Variants in CCSER1 observed in about 807,000 individuals in gnomAD.
CCSER1 encodes coiled-coil serine rich protein 1.
CCSER1 carries 41 observed loss-of-function variants against 82.0 expected under a neutral mutation model. The observed-to-expected ratio is 0.50, with a 90% CI of 0.39 to 0.65. The LOEUF is 0.65. Among genes scored for constraint, CCSER1 ranks in the 30% least tolerant of loss-of-function variants. The pLI, the probability that CCSER1 is intolerant of heterozygous loss-of-function variation, is 0.00. For synonymous variants in CCSER1, 414 were observed against 383.9 expected (o/e 1.08, Z -0.92); for missense variants, 1,119 against 1,064.2 (o/e 1.05, Z -0.72).
chr4:90,157,822 T>G (rs1728567418), intron 1 of CCSER1, among the ~76,000 whole-genome samples: 1 of 152,200 alleles, frequency 6.6e-6, no homozygotes, highest in Non-Finnish European at 1.5e-5. Context: ...GGTTTGAATT[T>G]CCTCCTGTAG....
At chr4:91,147,338 C>G (rs1729638299) in intron 10 of CCSER1, among the ~76,000 whole-genome samples, 1 of 152,184 alleles carries the variant, frequency 6.6e-6, no homozygotes, top group Non-Finnish European at 1.5e-5. Context: ...CAGGAGCCGG[C>G]CCAGCCAGCT....
At chr4:90,436,868 G>A (rs1004635149) in intron 4 of CCSER1, among the ~76,000 whole-genome samples, 4 of 150,878 alleles carry the variant, frequency 2.7e-5, no homozygotes, top group Admixed American at 6.6e-5. Flanking sequence ...GTGCAGTGGC[G>A]CAATCTCAGC....
rs994234499 is a variant in CCSER1, at chr4:91,178,729, C to T, written c.2217+92735C>T. On this transcript the variant is annotated intron_variant, in intron 10 of 10. Transcript: ENST00000509176. ...GCATGTGAGATGGGTCTCCTGTATA[C>T]AGCTCACTGATGGGTCTTGACTCTT... 5.9e-5 allele frequency among the ~76,000 whole-genome samples: 9 copies of T among 152,210 alleles called. No homozygotes were observed. In the East Asian group the frequency reaches 1.7e-3, roughly 29 times the overall value.
rs189554966 is a variant in CCSER1 at position 91,087,311 on chromosome 4, C to G, written c.2217+1317C>G. Among the ~76,000 whole-genome samples the G allele has an allele frequency of 6.8e-3, 1,037 of 152,154 alleles. 8 individuals carry two copies. The highest frequency in any genetic ancestry group is 0.012 in the Non-Finnish European group (812 of 67,938). On this transcript the variant is annotated intron_variant, in intron 10 of 10. Coordinates refer to ENST00000509176, the MANE Select transcript of CCSER1 (RefSeq NM_001145065.2). ...GTGTCAAAAGAAGGAAAACTGAAAT[C>G]TATATATCCGTACGATGGCATTGCT...
At chr4:91,074,365 G>A (rs1191630622) in intron 9 of CCSER1, among the ~76,000 whole-genome samples, 1 of 152,276 alleles carries the variant, frequency 6.6e-6, no homozygotes, top group Non-Finnish European at 1.5e-5. Flanking sequence ...TTTAGATAAT[G>A]CCAATAAGGG....
chr4:90,155,838 A>G (rs1728027982), intron 1 of CCSER1, among the ~76,000 whole-genome samples: 1 of 151,018 alleles, frequency 6.6e-6, no homozygotes, highest in African/African-American at 2.4e-5. Context: ...TGGATTCATT[A>G]ATTTTTTGAA....
In CCSER1 at chr4:91,169,557, A is replaced by G. The variant is rs566981021; in HGVS notation, c.2217+83563A>G. The stretch of plus-strand genomic sequence containing the variant: ...AATTGCTTGAACCCAGGATGCAGAC[A>G]TTGCAGTTAGTTGAGATCACACCAC... On this transcript the variant is annotated intron_variant, in intron 10 of 10. Coordinates refer to ENST00000509176, the MANE Select transcript of CCSER1 (RefSeq NM_001145065.2). Among the ~76,000 whole-genome samples, 208 of 152,222 alleles carry G rather than the reference A, an allele frequency of 1.4e-3. 2 individuals are homozygous for G. The highest frequency in any genetic ancestry group is 4.6e-3 in the African/African-American group (190 of 41,544).
At chr4:90,321,540 T>G (rs1227659813) in intron 3 of CCSER1, among the ~76,000 whole-genome samples, 1 of 152,176 alleles carries the variant, frequency 6.6e-6, no homozygotes, top group African/African-American at 2.4e-5. Context: ...TGCAGATATC[T>G]CTTTGATATA....
intron 8 of CCSER1, among the ~76,000 whole-genome samples, chr4:90,845,646 G>A (rs1763137627): frequency 6.6e-6 from 1 of 151,992 alleles, no homozygotes; most frequent in South Asian, 2.1e-4. Context: ...GGCTGTCCTA[G>A]GCCAGAAGGC....
intron 10 of CCSER1, among the ~76,000 whole-genome samples, chr4:91,357,885 C>A (rs1039639140): frequency 6.8e-5 from 5 of 73,072 alleles, no homozygotes; most frequent in African/African-American, 2.2e-4. Context: ...TGCCCCCCCC[C>A]CCTTTTTTTT....
intron 1 of CCSER1, among the ~76,000 whole-genome samples, chr4:90,206,455 A>G (rs910489955): frequency 6.6e-6 from 1 of 152,070 alleles, no homozygotes; most frequent in Admixed American, 6.5e-5. Flanking sequence ...TTCATTATTT[A>G]CCCAGCAGTC....
At chr4:90,802,730 C>G (rs1038079435) in intron 7 of CCSER1, among the ~76,000 whole-genome samples, 1 of 152,152 alleles carries the variant, frequency 6.6e-6, no homozygotes, top group African/African-American at 2.4e-5. Context: ...ATTTATTTCA[C>G]TAGCTACCCA....
chr4:91,252,375 A>C (rs979406290), intron 10 of CCSER1, among the ~76,000 whole-genome samples: 3 of 152,138 alleles, frequency 2.0e-5, no homozygotes, highest in African/African-American at 4.8e-5. Flanking sequence ...CAAAATAATA[A>C]CTTAAAAATA....
At chr4:90,470,884 C>A (rs34748205) in intron 5 of CCSER1, among the ~76,000 whole-genome samples, 2,102 of 150,556 alleles carry the variant, frequency 0.014, 20 homozygotes, top group Non-Finnish European at 0.024. Context: ...TATTTGGTGG[C>A]GATTGACTAG....
intron 10 of CCSER1, among the ~76,000 whole-genome samples, chr4:91,391,904 G>T (rs1196721466): frequency 2.0e-5 from 3 of 151,952 alleles, no homozygotes; most frequent in Admixed American, 1.3e-4. Flanking sequence ...AACTTGAAAA[G>T]TTGAAAAATT....
rs141954466 is a variant in CCSER1 at position 90,861,341 on chromosome 4, A to G, written c.2094+45496A>G. Among the ~76,000 whole-genome samples, 442 of 151,892 alleles carry G rather than the reference A, an allele frequency of 2.9e-3. 3 individuals are homozygous for G. The highest frequency in any genetic ancestry group is 4.6e-3 in the Non-Finnish European group (315 of 67,750). The stretch of plus-strand genomic sequence containing the variant: ...TTAGTCCCTGCAGGGTTTGTAGCTT[A>G]TGATTCTAATAAATAAATTCCAAAA... On this transcript the variant is annotated intron_variant, in intron 8 of 10. Coordinates refer to ENST00000509176, the MANE Select transcript of CCSER1 (RefSeq NM_001145065.2).
At chr4:90,318,434 A>G (rs183829157) in intron 3 of CCSER1, among the ~76,000 whole-genome samples, 23 of 152,248 alleles carry the variant, frequency 1.5e-4, no homozygotes, top group Non-Finnish European at 1.9e-4. Flanking sequence ...TTTATGGCCA[A>G]TTTTACTCTG....
intron 3 of CCSER1, among the ~76,000 whole-genome samples, chr4:90,361,117 G>T (rs1451839557): frequency 6.6e-6 from 1 of 152,100 alleles, no homozygotes; most frequent in African/African-American, 2.4e-5. Flanking sequence ...GTTTTCCTAA[G>T]AAATGACAAT....
chr4:90,799,342 G>A (rs1046425544), intron 7 of CCSER1, among the ~76,000 whole-genome samples: 11 of 152,196 alleles, frequency 7.2e-5, no homozygotes, highest in Admixed American at 3.3e-4. Context: ...GGCAGTTGGC[G>A]GAGGGTGGGG....
Sources: allele counts gnomAD v4.1 joint callset (sites outside exome capture counted in the v4.1 genomes callset), GRCh38; gene constraint gnomAD v4.1.1; transcripts MANE v1.5; gene names NCBI Gene and HGNC (gene_info 2026-07-23, HGNC 2026-07-21).